The following SGIP1 variants were observed in gnomAD, a reference collection of about 807,000 sequenced individuals.
SGIP1 encodes SH3-containing GRB2-like protein 3-interacting protein 1.
Under a neutral mutation model 107.5 loss-of-function variants are expected in SGIP1, and 38 were observed. That is an observed-to-expected ratio of 0.35 (90% CI 0.27 to 0.46). The LOEUF is 0.46. Among genes scored for constraint, SGIP1 ranks in the 20% least tolerant of loss-of-function variants. SGIP1 has a pLI of 1.00. For synonymous variants in SGIP1, 365 were observed against 366.1 expected, an observed-to-expected ratio of 1.00 and a Z score of 0.03; for missense variants, 929 against 1,019.5, an observed-to-expected ratio of 0.91 and a Z score of 1.21.
intron 4 of SGIP1, among the ~76,000 whole-genome samples, chr1:66,637,109 A>G (rs1354150259): frequency 2.0e-5 from 3 of 152,150 alleles, no homozygotes; most frequent in African/African-American, 7.2e-5. Context: ...ATCGTTGTTT[A>G]TATGTTGGTG....
rs373835742 is a variant in SGIP1 at position 66,671,968 on chromosome 1, G to T, written c.533G>T (p.Arg178Leu). The T allele has an allele frequency of 2.5e-6, 4 of 1,614,018 alleles. No homozygotes were observed. Among genetic ancestry groups the T allele is most frequent in the South Asian group, 1.1e-5 (1 of 91,068 alleles). The change falls in exon 11 of 25, where the codon CGT (arginine) becomes CTT (leucine). Residue 178 changes from arginine to leucine, a missense_variant. This residue lies in a region of SGIP1 where 588 missense variants were observed against 588.6 expected (regional missense o/e 1.00). Coordinates refer to ENST00000371037, the MANE Select transcript of SGIP1 (RefSeq NM_032291.4). ...LSSEEVARPR[R>L]STPTPELISK... The stretch of plus-strand genomic sequence containing the variant: ...GGTGAAGAAGTGGCAAGACCCAGGC[G>T]TTCCACACCAACTCCAGAACTTATA...
intron 1 of SGIP1, among the ~76,000 whole-genome samples, chr1:66,564,800 C>T (rs1044385113): frequency 1.3e-5 from 2 of 151,852 alleles, no homozygotes; most frequent in African/African-American, 4.8e-5. Flanking sequence ...ACTTCAGTCC[C>T]CTCCTTCCCA....
At chr1:66,565,021 G>A (rs1472648359) in intron 1 of SGIP1, among the ~76,000 whole-genome samples, 1 of 151,958 alleles carries the variant, frequency 6.6e-6, no homozygotes, top group Non-Finnish European at 1.5e-5. Flanking sequence ...TTAAGTGCCT[G>A]GCCCGAAGTC....
chr1:66,697,120 T>C (rs1257386583), intron 18 of SGIP1, among the ~76,000 whole-genome samples: 1 of 152,206 alleles, frequency 6.6e-6, no homozygotes, highest in Non-Finnish European at 1.5e-5. Flanking sequence ...TTGGCTAGTG[T>C]ATGTGTCAGC....
chr1:66,616,813 C>A (rs2069437939), intron 1 of SGIP1, among the ~76,000 whole-genome samples: 1 of 152,148 alleles, frequency 6.6e-6, no homozygotes, highest in African/African-American at 2.4e-5. Flanking sequence ...AAATATTTCT[C>A]TTTTAAAGTC....
intron 18 of SGIP1, among the ~76,000 whole-genome samples, chr1:66,710,132 G>T (rs1197038220): frequency 1.3e-5 from 2 of 151,860 alleles, no homozygotes; most frequent in Non-Finnish European, 2.9e-5. Flanking sequence ...AAACATTTTT[G>T]AAAAGTTTTT....
At position 66,551,156 on chromosome 1, in the gene SGIP1, C is replaced by G. The variant is rs547049414; in HGVS notation, c.10+16788C>G. Reference sequence around the variant, plus strand: ...GGTAATGAAACTATTATTAAGGATGCCTTTGTTCTGGTTATTTTAAATCAG... The same window carrying G: ...GGTAATGAAACTATTATTAAGGATGGCTTTGTTCTGGTTATTTTAAATCAG... On this transcript the variant is annotated intron_variant, in intron 1 of 24. Coordinates refer to ENST00000371037, the MANE Select transcript of SGIP1 (RefSeq NM_032291.4). Among the ~76,000 whole-genome samples, 4 of 152,122 alleles carry G rather than the reference C, an allele frequency of 2.6e-5. No individual in the cohort carries two copies. The South Asian group carries it at 6.2e-4, about 24-fold the overall frequency.
At chr1:66,546,352 G>A (rs1278482827) in intron 1 of SGIP1, among the ~76,000 whole-genome samples, 1 of 152,144 alleles carries the variant, frequency 6.6e-6, no homozygotes, top group Non-Finnish European at 1.5e-5. Flanking sequence ...TAAGAGGACA[G>A]GTTTCATTGC....
chr1:66,664,875 A>C (rs1465966551), intron 8 of SGIP1, among the ~76,000 whole-genome samples: 1 of 152,214 alleles, frequency 6.6e-6, no homozygotes, highest in East Asian at 1.9e-4. Context: ...CAGAGCTATT[A>C]GAGATTGTTG....
chr1:66,636,908 A>G (rs2075886430), intron 4 of SGIP1, among the ~76,000 whole-genome samples: 1 of 152,312 alleles, frequency 6.6e-6, no homozygotes, highest in South Asian at 2.1e-4. Context: ...AGAACAGATA[A>G]TGTATGCCTA....
rs968719012 is a variant in SGIP1, at chr1:66,618,045, C to T, written c.11-7802C>T. On this transcript the variant is annotated intron_variant, in intron 1 of 24. Coordinates refer to ENST00000371037, the MANE Select transcript of SGIP1 (RefSeq NM_032291.4). The stretch of plus-strand genomic sequence containing the variant: ...GATATAGAATCAATATAATAGCTCC[C>T]ATCTTATTAAATTGTGTTGAACTAA... 8.5e-5 allele frequency among the ~76,000 whole-genome samples: 13 copies of T among 152,252 alleles called. No individual in the cohort carries two copies. The East Asian group carries it at 2.5e-3, about 29-fold the overall frequency.
chr1:66,562,319 AAAG>A (rs1237850734), intron 1 of SGIP1, among the ~76,000 whole-genome samples: 2 of 152,022 alleles, frequency 1.3e-5, no homozygotes, highest in Non-Finnish European at 2.9e-5. Context: ...GGAAATTTTA[AAAG>A]AAGAATATTT....
At chr1:66,550,641 T>A (rs1300527253) in intron 1 of SGIP1, among the ~76,000 whole-genome samples, 1 of 152,216 alleles carries the variant, frequency 6.6e-6, no homozygotes, top group Non-Finnish European at 1.5e-5. Flanking sequence ...TAGCTATCAT[T>A]TCTTGAGCTC....
intron 1 of SGIP1, among the ~76,000 whole-genome samples, chr1:66,572,527 G>A (rs1414527942): frequency 1.3e-5 from 2 of 151,964 alleles, no homozygotes; most frequent in African/African-American, 4.8e-5. Context: ...GTTGCTCCCA[G>A]GCTGTTTAGC....
At chr1:66,560,097 C>T (rs2058717055) in intron 1 of SGIP1, among the ~76,000 whole-genome samples, 1 of 152,034 alleles carries the variant, frequency 6.6e-6, no homozygotes, top group Admixed American at 6.6e-5. Flanking sequence ...CAACTCATCA[C>T]AGATCTGCAG....
At chr1:66,590,949 C>T (rs1368116264) in intron 1 of SGIP1, among the ~76,000 whole-genome samples, 1 of 152,222 alleles carries the variant, frequency 6.6e-6, no homozygotes, top group African/African-American at 2.4e-5. Flanking sequence ...CAGTGGCTCA[C>T]TTGTCCTCCT....
At chr1:66,592,683 G>A (rs550762419) in intron 1 of SGIP1, among the ~76,000 whole-genome samples, 4 of 152,184 alleles carry the variant, frequency 2.6e-5, no homozygotes, top group South Asian at 2.1e-4. Flanking sequence ...GTAACAACAC[G>A]TATTCACCAT....
At chr1:66,575,138 T>G (rs530018135) in intron 1 of SGIP1, among the ~76,000 whole-genome samples, 1 of 152,230 alleles carries the variant, frequency 6.6e-6, no homozygotes, top group African/African-American at 2.4e-5. Flanking sequence ...GGTGTATAAT[T>G]TTGTCCTTCT....
intron 18 of SGIP1, among the ~76,000 whole-genome samples, chr1:66,710,312 T>C (rs1212302008): frequency 6.6e-6 from 1 of 152,148 alleles, no homozygotes; most frequent in Non-Finnish European, 1.5e-5. Context: ...ACTAAATGCA[T>C]CTGGTGCTGA....
Sources: gnomAD v4.1 joint callset for allele counts (sites outside exome capture counted in the v4.1 genomes callset) on GRCh38, gnomAD v4.1.1 for gene constraint, gnomAD v4.1.1 regional missense constraint, MANE v1.5 for transcripts, NCBI Gene and HGNC (gene_info 2026-07-23, HGNC 2026-07-21) for gene names.